The following SRPK2 variants were observed in gnomAD, a reference collection of about 807,000 sequenced individuals.
SRPK2 encodes SRSF protein kinase 2.
Under a neutral mutation model 90.8 loss-of-function variants are expected in SRPK2, and 21 were observed. That is an observed-to-expected ratio of 0.23 (90% CI 0.16 to 0.33). The LOEUF (loss-of-function observed/expected upper bound fraction) is 0.33, where lower values mean the gene tolerates loss of function less well. Among genes scored for constraint, SRPK2 ranks in the 10% least tolerant of loss-of-function variants. The pLI, the probability that SRPK2 is intolerant of heterozygous loss-of-function variation, is 1.00. For synonymous variants in SRPK2, 288 were observed against 311.1 expected (o/e 0.93, Z 0.78); for missense variants, 620 against 869.0 (o/e 0.71, Z 3.60).
Position 105,142,496 on chromosome 7 carries a change from G to A in SRPK2, c.1061-6C>T. The A allele has an allele frequency of 1.3e-6, 2 of 1,597,798 alleles. No homozygotes were observed. The highest frequency in any genetic ancestry group is 2.3e-5 in the South Asian group (2 of 88,016). ...TTCCTGGTCCTCAGCTTCACCTTAA[G>A]AATTTGATGGGTCAAGAATTAGAAC... On this transcript the variant is annotated splice_polypyrimidine_tract_variant and splice_region_variant and intron_variant, in intron 10 of 15. Coordinates refer to ENST00000393651, the MANE Select transcript of SRPK2 (RefSeq NM_182692.3).
At chr7:105,232,627 G>A (rs1445706764) in intron 2 of SRPK2, among the ~76,000 whole-genome samples, 3 of 150,852 alleles carry the variant, frequency 2.0e-5, no homozygotes, top group Non-Finnish European at 4.4e-5. Context: ...AAAAAAAACA[G>A]TAACAGAAAT....
intron 2 of SRPK2, among the ~76,000 whole-genome samples, chr7:105,248,708 G>A (rs995620365): frequency 2.6e-4 from 40 of 152,104 alleles, no homozygotes; most frequent in Non-Finnish European, 4.4e-4. Context: ...TAGGAGGCCC[G>A]AGGCAGGCAG....
At position 105,150,756 on chromosome 7, in the gene SRPK2, A is replaced by G. The variant is rs550987556; in HGVS notation, c.622-4098T>C. Among the ~76,000 whole-genome samples the G allele has an allele frequency of 2.0e-5, 3 of 152,348 alleles. No individual in the cohort carries two copies. The South Asian group carries it at 6.2e-4, about 32-fold the overall frequency. ...GTACAAGAAATTAATGGATAGGCACATTGATGATGTCCAGCCCATAGAGGT... is the reference window on the plus strand; with the variant it reads ...GTACAAGAAATTAATGGATAGGCACGTTGATGATGTCCAGCCCATAGAGGT... On this transcript the variant is annotated intron_variant, in intron 7 of 15. Coordinates refer to ENST00000393651, the MANE Select transcript of SRPK2 (RefSeq NM_182692.3).
At position 105,143,487 on chromosome 7, in the gene SRPK2, T is replaced by TAA. The variant is rs1262512591; in HGVS notation, c.814-158_814-157insTT. 21 of 928,358 alleles carry TAA rather than the reference T, an allele frequency of 2.3e-5. No individual in the cohort carries two copies. The East Asian group carries it at 5.3e-4, about 23-fold the overall frequency. 57.5% of individuals were successfully genotyped at this position (928,358 alleles called of 1,614,324 possible). A position where few individuals can be genotyped will look rare whatever the true frequency, so the allele number is the denominator to read the frequency against. The stretch of plus-strand genomic sequence containing the variant: ...GACAGATCCACTTTGTGGTAAGGCT[T>TAA]ACGATAAAATCAAAGGGAAAGCAGT... On this transcript the variant is annotated intron_variant, in intron 9 of 15. Coordinates refer to ENST00000393651, the MANE Select transcript of SRPK2 (RefSeq NM_182692.3).
At chr7:105,169,543 A>G (rs1287845014) in intron 3 of SRPK2, among the ~76,000 whole-genome samples, 2 of 152,182 alleles carry the variant, frequency 1.3e-5, no homozygotes, top group Non-Finnish European at 2.9e-5. Flanking sequence ...CCTGGCCAAC[A>G]TGGTGAAATC....
At chr7:105,279,908 C>T (rs867196423) in intron 2 of SRPK2, among the ~76,000 whole-genome samples, 4 of 152,168 alleles carry the variant, frequency 2.6e-5, no homozygotes, top group Non-Finnish European at 5.9e-5. Context: ...ATGCTGTGTT[C>T]AGCAGGAGGC....
intron 2 of SRPK2, among the ~76,000 whole-genome samples, chr7:105,291,032 G>A (rs1261861488): frequency 5.3e-5 from 6 of 113,674 alleles, no homozygotes; most frequent in Non-Finnish European, 6.9e-5. Context: ...GCGACAGAGC[G>A]AGACTCCGTC....
chr7:105,177,115 G>GT lies in SRPK2; in HGVS notation c.230-7851_230-7850insA, dbSNP rs1445854650. Among the ~76,000 whole-genome samples, 47 of 151,734 alleles carry GT rather than the reference G, an allele frequency of 3.1e-4. No homozygotes were observed. The East Asian group carries it at 8.9e-3, about 29-fold the overall frequency. ...CCAAAAAGTACCTGGTAATTGTCAG[G>GT]AAAGTGATTAAATCAGGAAAAAAAA... On this transcript the variant is annotated intron_variant, in intron 3 of 15. Transcript: ENST00000393651.
upstream of SRPK2, among the ~76,000 whole-genome samples, chr7:105,392,477 T>C (rs1455581620): frequency 2.0e-5 from 3 of 152,216 alleles, no homozygotes; most frequent in East Asian, 5.8e-4. Context: ...CTTGCCTAAA[T>C]CAACTATTAC....
chr7:105,353,839 T>C (rs916637393), intron 2 of SRPK2, among the ~76,000 whole-genome samples: 18 of 152,086 alleles, frequency 1.2e-4, no homozygotes, highest in African/African-American at 3.9e-4. Flanking sequence ...CAGTACAAAC[T>C]GGAACTAGAC....
chr7:105,172,740 T>C (rs778828560), intron 3 of SRPK2, among the ~76,000 whole-genome samples: 2 of 152,200 alleles, frequency 1.3e-5, no homozygotes, highest in Non-Finnish European at 2.9e-5. Flanking sequence ...ACTCCAATTT[T>C]AATAACTAGA....
chr7:105,121,387 A>ATAAAG (rs1554406194), intron 15 of SRPK2, among the ~76,000 whole-genome samples: 2 of 148,434 alleles, frequency 1.3e-5, no homozygotes, highest in African/African-American at 5.0e-5. Flanking sequence ...TAAAAAAAAA[A>ATAAAG]AGAGAGAAAA....
chr7:105,181,069 G>A (rs971017944), intron 3 of SRPK2, among the ~76,000 whole-genome samples: 1 of 152,038 alleles, frequency 6.6e-6, no homozygotes, highest in Non-Finnish European at 1.5e-5. Context: ...GACATGAATA[G>A]ACATTTTCAA....
chr7:105,133,157 G>C, intron 11 of SRPK2, 53 bp from the exon 12 acceptor site: 1 of 1,535,676 alleles, frequency 6.5e-7, no homozygotes, highest in Non-Finnish European at 9.0e-7. Context: ...TGGTTTGCAT[G>C]TGTGAGCACA....
chr7:105,334,355 G>A (rs1814804119), intron 2 of SRPK2, among the ~76,000 whole-genome samples: 1 of 152,188 alleles, frequency 6.6e-6, no homozygotes, highest in Non-Finnish European at 1.5e-5. Flanking sequence ...TGGGATTACA[G>A]GCGTGAGCCA....
chr7:105,254,712 CAG>C (rs1353236002), intron 2 of SRPK2, among the ~76,000 whole-genome samples: 3 of 151,766 alleles, frequency 2.0e-5, no homozygotes, highest in Admixed American at 1.3e-4. Context: ...TGTTTTGAGA[CAG>C]AGTCTCGCCC....
At chr7:105,354,010 G>A (rs1339774184) in intron 2 of SRPK2, among the ~76,000 whole-genome samples, 2 of 152,204 alleles carry the variant, frequency 1.3e-5, no homozygotes, top group African/African-American at 2.4e-5. Context: ...AACAGATGCA[G>A]CGTTCAGGCC....
At chr7:105,322,996 G>T (rs990357639) in intron 2 of SRPK2, among the ~76,000 whole-genome samples, 12 of 152,016 alleles carry the variant, frequency 7.9e-5, no homozygotes, top group Non-Finnish European at 1.6e-4. Flanking sequence ...GCCAGGAGTT[G>T]GAGACCAGCC....
At chr7:105,278,612 G>T (rs1585499559) in intron 2 of SRPK2, among the ~76,000 whole-genome samples, 2 of 152,056 alleles carry the variant, frequency 1.3e-5, no homozygotes, top group South Asian at 4.2e-4. Context: ...TTTGGACCTG[G>T]GAGGCAGAGG....
Sources: gnomAD v4.1 joint callset for allele counts (sites outside exome capture counted in the v4.1 genomes callset) on GRCh38, gnomAD v4.1.1 for gene constraint, MANE v1.5 for transcripts, NCBI Gene and HGNC (gene_info 2026-07-23, HGNC 2026-07-21) for gene names.